The following RECK variants were observed in gnomAD, a reference collection of about 807,000 sequenced individuals.
RECK encodes the protein reversion inducing cysteine rich protein with kazal motifs.
RECK carries 69 observed loss-of-function variants against 115.1 expected under a neutral mutation model. The ratio of observed to expected loss-of-function variants is 0.60; its 90% CI spans 0.49 to 0.73. The LOEUF (loss-of-function observed/expected upper bound fraction) is 0.73. Ranked by LOEUF, RECK falls within the 30% of genes least tolerant of loss-of-function variation. The pLI is 0.00. For missense variants in RECK, 1,047 were observed against 1,203.7 expected (o/e 0.87, Z 1.93); for synonymous variants, 414 against 419.7 (o/e 0.99, Z 0.17).
At chr9:36,100,611 C>A in intron 11 of RECK, 68 bp downstream of exon 11, 1 of 1,202,548 alleles carries the variant, frequency 8.3e-7, no homozygotes, top group Non-Finnish European at 1.2e-6. Flanking sequence ...TAGCCAGAGC[C>A]TCTCCATAGA....
intron 10 of RECK, among the ~76,000 whole-genome samples, chr9:36,096,724 A>G (rs1207834469): frequency 2.6e-5 from 4 of 152,198 alleles, no homozygotes. Flanking sequence ...TTTAAAGCTA[A>G]TAGGAGAACA....
At chr9:36,096,197 A>T (rs1321470813) in intron 10 of RECK, among the ~76,000 whole-genome samples, 3 of 151,478 alleles carry the variant, frequency 2.0e-5, no homozygotes, top group Non-Finnish European at 4.4e-5. Flanking sequence ...AGATCATGCC[A>T]TTGCACTCCA....
At chr9:36,046,190 CA>C (rs1462305881) in intron 1 of RECK, among the ~76,000 whole-genome samples, 1 of 152,030 alleles carries the variant, frequency 6.6e-6, no homozygotes, top group African/African-American at 2.4e-5. Context: ...ATTATAAACC[CA>C]GAATATGTCT....
chr9:36,093,526 A>G (rs1293394227), intron 10 of RECK, among the ~76,000 whole-genome samples: 3 of 152,216 alleles, frequency 2.0e-5, no homozygotes, highest in Non-Finnish European at 4.4e-5. Context: ...AAATAAATTT[A>G]TTGTAGGGAA....
At chr9:36,091,036 T>G in intron 9 of RECK, 128 bp from the exon 10 acceptor site, 4 of 702,624 alleles carry the variant, frequency 5.7e-6, no homozygotes, top group Non-Finnish European at 8.9e-6. Context: ...GAAATAGTCA[T>G]TTGGTTTTTT....
intron 13 of RECK, among the ~76,000 whole-genome samples, chr9:36,105,928 A>G (rs1823785983): frequency 6.6e-6 from 1 of 152,146 alleles, no homozygotes. Context: ...AAGATTTTAA[A>G]AAAGGCCAGG....
At chr9:36,117,912 G>A (rs1313580974) in intron 17 of RECK, among the ~76,000 whole-genome samples, 2 of 152,060 alleles carry the variant, frequency 1.3e-5, no homozygotes, top group Non-Finnish European at 2.9e-5. Flanking sequence ...CCCGGGAGGC[G>A]GAAGTTGCAG....
chr9:36,118,792 C>T lies in RECK; in HGVS notation c.2289C>T (p.His763=), dbSNP rs984134255. 1 of 1,614,164 alleles carries T rather than the reference C, an allele frequency of 6.2e-7. No individual in the cohort carries two copies. The highest frequency in any genetic ancestry group is 8.5e-7 in the Non-Finnish European group (1 of 1,180,042). Reference sequence around the variant, plus strand: ...GAGCAACCGAGCCCGTATGTGGGCACAATGGTGAGACCTACAGCAGTGTGT... The same window carrying T: ...GAGCAACCGAGCCCGTATGTGGGCATAATGGTGAGACCTACAGCAGTGTGT... The part of the protein sequence containing the change: ...FCRATEPVCG[H]NGETYSSVCA... The change falls in exon 18 of 21, where the codon CAC becomes CAT. Residue 763 remains histidine (H), a synonymous_variant. Coordinates refer to ENST00000377966, the MANE Select transcript of RECK (RefSeq NM_021111.3).
At chr9:36,107,763 A>T (rs565434351) in intron 13 of RECK, among the ~76,000 whole-genome samples, 2 of 152,290 alleles carry the variant, frequency 1.3e-5, no homozygotes, top group South Asian at 2.1e-4. Flanking sequence ...CAGATCTGTA[A>T]TCACCACCAT....
chr9:36,089,763 T>C (rs139043865), intron 9 of RECK, among the ~76,000 whole-genome samples: 108 of 152,304 alleles, frequency 7.1e-4, no homozygotes, highest in African/African-American at 2.5e-3. Context: ...ATTAGGTATA[T>C]ACAAGTATTC....
intron 6 of RECK, among the ~76,000 whole-genome samples, chr9:36,077,368 CT>C (rs1302415651): frequency 3.3e-4 from 50 of 152,264 alleles, no homozygotes; most frequent in African/African-American, 1.1e-3. Context: ...AATCCTATAA[CT>C]CATTATGTGT....
chr9:36,078,531 A>G (rs1436144621), intron 6 of RECK, among the ~76,000 whole-genome samples: 1 of 152,204 alleles, frequency 6.6e-6, no homozygotes, highest in Non-Finnish European at 1.5e-5. Flanking sequence ...TACTCACCAG[A>G]TGCCAGTAGC....
intron 17 of RECK, among the ~76,000 whole-genome samples, chr9:36,117,542 C>G (rs1824309360): frequency 6.6e-6 from 1 of 152,150 alleles, no homozygotes; most frequent in African/African-American, 2.4e-5. Flanking sequence ...GAGTCAAAAC[C>G]AAGAAAAGTT....
At chr9:36,072,744 A>C (rs1325944926) in intron 6 of RECK, 1 of 152,224 alleles carries the variant, frequency 6.6e-6, no homozygotes, top group East Asian at 1.9e-4. Flanking sequence ...TAGGTCCTGC[A>C]GTACTGGCTT....
chr9:36,054,645 A>G (rs1821450138), intron 2 of RECK, among the ~76,000 whole-genome samples: 1 of 152,144 alleles, frequency 6.6e-6, no homozygotes, highest in South Asian at 2.1e-4. Context: ...CTCAATAAAT[A>G]TTTGTAGATC....
At chr9:36,120,147 A>C (rs1824405001) in intron 18 of RECK, among the ~76,000 whole-genome samples, 1 of 152,114 alleles carries the variant, frequency 6.6e-6, no homozygotes, top group Non-Finnish European at 1.5e-5. Context: ...AGGCAGGAGA[A>C]TGGCATGAAC....
intron 1 of RECK, among the ~76,000 whole-genome samples, chr9:36,045,918 A>C (rs983918296): frequency 3.9e-5 from 6 of 152,124 alleles, no homozygotes; most frequent in African/African-American, 1.4e-4. Flanking sequence ...AGGCTACACT[A>C]ATACCTTCTT....
chr9:36,122,733 G>T, intron 20 of RECK, 91 bp from the exon 21 acceptor site: 1 of 980,696 alleles, frequency 1.0e-6, no homozygotes, highest in Non-Finnish European at 1.6e-6. Context: ...CTGAGGCCAC[G>T]CTACTTTTAG....
chr9:36,050,457 TC>T (rs1443593672), intron 1 of RECK, among the ~76,000 whole-genome samples: 1 of 152,220 alleles, frequency 6.6e-6, no homozygotes, highest in Non-Finnish European at 1.5e-5. Context: ...TAATACCATC[TC>T]CACTGCTGCC....
Sources: gnomAD v4.1 joint callset for allele counts (sites outside exome capture counted in the v4.1 genomes callset) on GRCh38, gnomAD v4.1.1 for gene constraint, MANE v1.5 for transcripts, NCBI Gene and HGNC (gene_info 2026-07-23, HGNC 2026-07-21) for gene names.